Variants in CDK13 observed in about 807,000 individuals in gnomAD.
CDK13 encodes the protein cyclin dependent kinase 13.
In CDK13, 40 loss-of-function variants were observed where a neutral mutation model predicts 137.6. The observed-to-expected ratio is 0.29, with a 90% CI of 0.23 to 0.38. The LOEUF (loss-of-function observed/expected upper bound fraction) is 0.38. Among genes scored for constraint, CDK13 ranks in the 10% least tolerant of loss-of-function variants. The probability of loss-of-function intolerance (pLI) is 1.00; values close to 1 mark genes in which losing one functional copy is unlikely to be tolerated. For missense variants in CDK13, 1,704 were observed against 1,951.8 expected (o/e 0.87, Z 2.39); for synonymous variants, 869 against 760.1 (o/e 1.14, Z -2.36).
chr7:39,964,971 G>A (rs942499827), intron 1 of CDK13, among the ~76,000 whole-genome samples: 2 of 152,154 alleles, frequency 1.3e-5, no homozygotes, highest in Non-Finnish European at 2.9e-5. Context: ...TAGTTTGATT[G>A]CACTGTGGTC....
intron 6 of CDK13, among the ~76,000 whole-genome samples, chr7:40,046,830 T>C (rs549584128): frequency 1.3e-5 from 2 of 151,606 alleles, no homozygotes; most frequent in Non-Finnish European, 2.9e-5. Flanking sequence ...GGTGAAACCC[T>C]GTCTCTACTA....
intron 1 of CDK13, among the ~76,000 whole-genome samples, chr7:39,961,525 G>A (rs1033718783): frequency 6.6e-6 from 1 of 151,790 alleles, no homozygotes; most frequent in African/African-American, 2.4e-5. Context: ...CTAGACCCTG[G>A]TAACCACCAT....
rs1450916285 is a variant in CDK13 at position 39,950,661 on chromosome 7, C to T, written c.20C>T (p.Thr7Met). The T allele has an allele frequency of 1.5e-6, 2 of 1,346,566 alleles. No homozygotes were observed. Among genetic ancestry groups the T allele is most frequent in the Non-Finnish European group, 1.9e-6 (2 of 1,052,078 alleles). 83.4% of individuals were successfully genotyped at this position (1,346,566 alleles called of 1,614,324 possible). MPSSSDTALGGGGGLSW... is the reference protein window; with the variant it reads MPSSSDMALGGGGGLSW... ...TAGGCGATGCCGAGCAGCTCGGACA[C>T]GGCGCTGGGGGGAGGCGGGGGCCTG... is the stretch of plus-strand genomic sequence containing the variant. The change falls in exon 1 of 14, where the codon ACG (threonine) becomes ATG (methionine). Residue 7 changes from threonine (T) to methionine (M), a missense_variant. Physicochemically the swap from Thr to Met is moderately conservative, Grantham distance 81 (BLOSUM62 -1). Transcript: ENST00000181839.
Position 39,950,442 on chromosome 7 carries a change from C to G in CDK13, c.-200C>G. The G allele has an allele frequency of 1.6e-6, 2 of 1,235,660 alleles. No homozygotes were observed. The highest frequency in any genetic ancestry group is 2.0e-6 in the Non-Finnish European group (2 of 990,192). 76.5% of individuals were successfully genotyped at this position (1,235,660 alleles called of 1,614,324 possible). On this transcript the variant is annotated 5_prime_UTR_variant, in exon 1 of 14. Transcript: ENST00000181839. ...GCCCGGATTCCTGCTTCCCTGGGGCCCGGAGGCTGCTGCGTACCCCACTGT... is the reference window on the plus strand; with the variant it reads ...GCCCGGATTCCTGCTTCCCTGGGGCGCGGAGGCTGCTGCGTACCCCACTGT...
intron 7 of CDK13, among the ~76,000 whole-genome samples, chr7:40,059,505 C>G (rs1786094306): frequency 6.6e-6 from 1 of 152,192 alleles, no homozygotes; most frequent in Admixed American, 6.5e-5. Flanking sequence ...ATTACAGATG[C>G]ATGCCACCAC....
intron 1 of CDK13, among the ~76,000 whole-genome samples, chr7:39,962,916 C>G (rs938042090): frequency 2.0e-5 from 3 of 152,268 alleles, no homozygotes; most frequent in South Asian, 4.1e-4. Flanking sequence ...TCAGGTTTGT[C>G]AAAGATCAGA....
rs1320170916 is a variant in CDK13 at position 40,047,707 on chromosome 7, T to TA, written c.2544-111dup. The TA allele has an allele frequency of 5.9e-6, 4 of 680,444 alleles. No individual in the cohort carries two copies. The East Asian group carries it at 1.0e-4, about 17-fold the overall frequency. 42.2% of individuals were successfully genotyped at this position (680,444 alleles called of 1,614,324 possible). ...GATGATATTGCAGTGTGAGCAGAGT[T>TA]AAAGTTTACATAGGTTTTTTTTTTT... On this transcript the variant is annotated intron_variant, in intron 6 of 13. Coordinates refer to ENST00000181839, the MANE Select transcript of CDK13 (RefSeq NM_003718.5).
intron 5 of CDK13, among the ~76,000 whole-genome samples, chr7:40,035,692 A>G (rs1469939601): frequency 1.3e-5 from 2 of 152,038 alleles, no homozygotes; most frequent in Non-Finnish European, 2.9e-5. Context: ...CTATTTCATT[A>G]TATGTTACAG....
At chr7:40,076,441 A>G (rs1355913903) in intron 9 of CDK13, among the ~76,000 whole-genome samples, 1 of 152,166 alleles carries the variant, frequency 6.6e-6, no homozygotes, top group African/African-American at 2.4e-5. Context: ...CATAGACATG[A>G]AGGAGTGGCC....
At chr7:39,968,856 C>G (rs1017269563) in intron 1 of CDK13, among the ~76,000 whole-genome samples, 1 of 152,208 alleles carries the variant, frequency 6.6e-6, no homozygotes, top group African/African-American at 2.4e-5. Context: ...CCAACACAGA[C>G]TGAACCAAAC....
At chr7:39,985,096 A>T (rs1288269697) in intron 1 of CDK13, 1 of 137,382 alleles carries the variant, frequency 7.3e-6, no homozygotes, top group Non-Finnish European at 1.6e-5. Context: ...GTGCCCATTA[A>T]CCCTCCCCCG....
At chr7:40,062,030 A>G (rs754563307) in intron 7 of CDK13, 2 of 152,172 alleles carry the variant, frequency 1.3e-5, no homozygotes, top group East Asian at 1.9e-4. Flanking sequence ...GCTTTTTTCT[A>G]TTCACACACT....
At chr7:40,046,167 G>A (rs897981548) in intron 6 of CDK13, 142 bp downstream of exon 6, 89 of 525,178 alleles carry the variant, frequency 1.7e-4, no homozygotes, top group Non-Finnish European at 2.6e-4. Context: ...AGTGTCCAAC[G>A]TTTGGGTGAT....
chr7:40,048,155 G>T, intron 7 of CDK13: 5 of 259,258 alleles, frequency 1.9e-5, no homozygotes, highest in Admixed American at 9.9e-5. Context: ...TTTCTAATAC[G>T]TATTCAGATA....
intron 2 of CDK13, among the ~76,000 whole-genome samples, chr7:39,994,162 T>C (rs374478360): frequency 3.2e-4 from 48 of 152,182 alleles, no homozygotes; most frequent in East Asian, 1.7e-3. Flanking sequence ...TTTTTGACAT[T>C]TGTTTTGCTT....
At chr7:40,008,698 AAG>A (rs1475351755) in intron 5 of CDK13, among the ~76,000 whole-genome samples, 1 of 152,140 alleles carries the variant, frequency 6.6e-6, no homozygotes, top group Admixed American at 6.6e-5. Flanking sequence ...CCCTCCTAAA[AAG>A]AGAAATGAAC....
chr7:39,983,720 A>G (rs1485407079), intron 1 of CDK13, among the ~76,000 whole-genome samples: 3 of 152,306 alleles, frequency 2.0e-5, no homozygotes, highest in Non-Finnish European at 4.4e-5. Flanking sequence ...GGGGATAGAA[A>G]CATGACGTAT....
chr7:40,078,927 TATA>T (rs1410952030), intron 11 of CDK13, 76 bp downstream of exon 11: 3 of 470,750 alleles, frequency 6.4e-6, no homozygotes, highest in East Asian at 1.8e-4. Context: ...TAATAACATA[TATA>T]ATAAGATATT....
intron 11 of CDK13, 38 bp downstream of exon 11, chr7:40,078,889 T>G: frequency 1.4e-6 from 1 of 735,624 alleles, no homozygotes; most frequent in Non-Finnish European, 1.8e-6. Flanking sequence ...TATATATTAT[T>G]ATTATATTTA....
Sources: allele counts gnomAD v4.1 joint callset (sites outside exome capture counted in the v4.1 genomes callset), GRCh38; gene constraint gnomAD v4.1.1; transcripts MANE v1.5; gene names NCBI Gene and HGNC (gene_info 2026-07-23, HGNC 2026-07-21).